Variants in AGBL1 observed in about 807,000 individuals in gnomAD.
AGBL1 encodes AGBL carboxypeptidase 1, also known as cytosolic carboxypeptidase 4.
AGBL1 carries 130 observed loss-of-function variants against 118.9 expected under a neutral mutation model. That is an observed-to-expected ratio of 1.09 (90% CI 0.95 to 1.26). The LOEUF (loss-of-function observed/expected upper bound fraction) is 1.26. AGBL1 is among the 50% of genes most tolerant of loss of function. AGBL1 has a pLI of 0.00. For synonymous variants in AGBL1, 555 were observed against 478.9 expected, an observed-to-expected ratio of 1.16 and a Z score of -2.08; for missense variants, 1,584 against 1,298.1, an observed-to-expected ratio of 1.22 and a Z score of -3.38.
At chr15:86,998,311 G>C (rs1431782477) in intron 24 of AGBL1, among the ~76,000 whole-genome samples, 1 of 152,146 alleles carries the variant, frequency 6.6e-6, no homozygotes, top group Non-Finnish European at 1.5e-5. Flanking sequence ...GCTTTAGTAA[G>C]GCAAGTTGCC....
At chr15:86,930,687 A>T (rs1306449312) in intron 23 of AGBL1, among the ~76,000 whole-genome samples, 1 of 152,204 alleles carries the variant, frequency 6.6e-6, no homozygotes, top group Non-Finnish European at 1.5e-5. Flanking sequence ...ATGATAAAAA[A>T]GAAAATACTC....
chr15:86,481,501 C>A (rs138231373), intron 18 of AGBL1, among the ~76,000 whole-genome samples: 1 of 152,106 alleles, frequency 6.6e-6, no homozygotes, highest in East Asian at 1.9e-4. Context: ...ACATGTTGAG[C>A]TTGGGTTGGA....
chr15:86,674,578 A>G (rs962644017), intron 22 of AGBL1, 142 bp downstream of exon 22: 80 of 836,116 alleles, frequency 9.6e-5, no homozygotes, highest in Non-Finnish European at 1.3e-4. Context: ...TAGGTACACT[A>G]TCTCGTTTCC....
intron 18 of AGBL1, among the ~76,000 whole-genome samples, chr15:86,421,790 G>A (rs1396874661): frequency 6.6e-6 from 1 of 152,014 alleles, no homozygotes; most frequent in Non-Finnish European, 1.5e-5. Context: ...AAAAAAGCAG[G>A]GGTTGCAATC....
At chr15:86,929,773 CT>C (rs1567245100) in intron 23 of AGBL1, among the ~76,000 whole-genome samples, 2 of 152,178 alleles carry the variant, frequency 1.3e-5, no homozygotes, top group African/African-American at 2.4e-5. Context: ...CCAGTAATAG[CT>C]TTCTTTATGA....
At chr15:86,362,121 A>T (rs115521687) in intron 17 of AGBL1, among the ~76,000 whole-genome samples, 1 of 152,140 alleles carries the variant, frequency 6.6e-6, no homozygotes. Context: ...CATGAAATGT[A>T]TGTAAATTAT....
intron 22 of AGBL1, among the ~76,000 whole-genome samples, chr15:86,807,612 G>A (rs2078736324): frequency 6.6e-6 from 1 of 152,144 alleles, no homozygotes; most frequent in South Asian, 2.1e-4. Context: ...AGTCCTGGGT[G>A]TTGTGGAAAG....
At chr15:86,782,423 G>A (rs903043111) in intron 22 of AGBL1, among the ~76,000 whole-genome samples, 4 of 152,162 alleles carry the variant, frequency 2.6e-5, no homozygotes, top group Non-Finnish European at 2.9e-5. Context: ...AGGAGAGACA[G>A]TAGGATTTTA....
At chr15:86,523,600 T>A (rs1455915196) in intron 19 of AGBL1, among the ~76,000 whole-genome samples, 1 of 152,152 alleles carries the variant, frequency 6.6e-6, no homozygotes, top group African/African-American at 2.4e-5. Context: ...ATATCCTGAG[T>A]CTTCATTTTT....
At chr15:86,897,976 T>C (rs903311236) in intron 22 of AGBL1, among the ~76,000 whole-genome samples, 4 of 151,888 alleles carry the variant, frequency 2.6e-5, no homozygotes, top group Non-Finnish European at 4.4e-5. Context: ...TTTTGCCTTA[T>C]TGCCCAGGCT....
At chr15:86,127,216 G>C (rs1266728895) in intron 1 of AGBL1, among the ~76,000 whole-genome samples, 2 of 152,190 alleles carry the variant, frequency 1.3e-5, no homozygotes, top group Non-Finnish European at 2.9e-5. Context: ...TAAGGGCTTT[G>C]TGTTTTCAAC....
chr15:86,187,862 A>G (rs984112636), intron 5 of AGBL1, among the ~76,000 whole-genome samples: 1 of 152,124 alleles, frequency 6.6e-6, no homozygotes, highest in African/African-American at 2.4e-5. Flanking sequence ...CTTGCTCAAA[A>G]CGCTGCTTCC....
chr15:86,842,630 C>T (rs1217544183), intron 22 of AGBL1, among the ~76,000 whole-genome samples: 12 of 152,158 alleles, frequency 7.9e-5, no homozygotes. Context: ...CTCCTCTCTG[C>T]AGCAGGAAAG....
chr15:86,240,522 A>G (rs1021064457), intron 6 of AGBL1, among the ~76,000 whole-genome samples: 5 of 152,216 alleles, frequency 3.3e-5, no homozygotes, highest in African/African-American at 1.2e-4. Flanking sequence ...GTTTGAAGCA[A>G]GGGTTTCAAT....
intron 17 of AGBL1, among the ~76,000 whole-genome samples, chr15:86,301,618 A>T (rs1407250369): frequency 1.4e-5 from 2 of 145,654 alleles, no homozygotes; most frequent in Non-Finnish European, 3.0e-5. Context: ...AGTCTTTGTC[A>T]CTGAGGTACT....
At chr15:86,390,517 T>G (rs1386937500) in intron 17 of AGBL1, among the ~76,000 whole-genome samples, 1 of 152,074 alleles carries the variant, frequency 6.6e-6, no homozygotes, top group Non-Finnish European at 1.5e-5. Flanking sequence ...ATAAACAAAT[T>G]GTGGCATATT....
chr15:86,195,282 G>C (rs979314900), intron 5 of AGBL1, among the ~76,000 whole-genome samples: 11 of 152,116 alleles, frequency 7.2e-5, no homozygotes, highest in African/African-American at 2.7e-4. Flanking sequence ...CCTTGGTGAA[G>C]GGCATGTTGG....
chr15:86,837,467 G>A (rs370608170), intron 22 of AGBL1, among the ~76,000 whole-genome samples: 22 of 152,112 alleles, frequency 1.4e-4, no homozygotes, highest in African/African-American at 5.3e-4. Context: ...AACAGCCACA[G>A]CCTTTTGTTT....
intron 22 of AGBL1, among the ~76,000 whole-genome samples, chr15:86,749,824 G>A (rs28735558): frequency 0.22 from 33,273 of 151,934 alleles, 3,921 homozygotes; most frequent in African/African-American, 0.29. Flanking sequence ...ATTGATTTGC[G>A]TATGTTGAAC....
Sources: allele counts gnomAD v4.1 joint callset (sites outside exome capture counted in the v4.1 genomes callset), GRCh38; gene constraint gnomAD v4.1.1; transcripts MANE v1.5; gene names NCBI Gene and HGNC (gene_info 2026-07-23, HGNC 2026-07-21).